Variants in NCK2 observed in about 807,000 individuals in gnomAD.
NCK2 encodes NCK adaptor protein 2, also known as cytoplasmic protein NCK2.
NCK2 carries 16 observed loss-of-function variants against 33.9 expected under a neutral mutation model. That is an observed-to-expected ratio of 0.47 (90% confidence interval 0.32 to 0.72). NCK2 has a LOEUF of 0.72. Among genes scored for constraint, NCK2 ranks in the 30% least tolerant of loss-of-function variants. NCK2 has a pLI of 0.03. For missense variants in NCK2, 418 were observed against 537.3 expected, an observed-to-expected ratio of 0.78 and a Z score of 2.19; for synonymous variants, 273 against 239.9, an observed-to-expected ratio of 1.14 and a Z score of -1.27.
At chr2:105,766,561 G>GATC (rs1433927718) in intron 1 of NCK2, among the ~76,000 whole-genome samples, 14 of 152,204 alleles carry the variant, frequency 9.2e-5, no homozygotes, top group African/African-American at 3.1e-4. Context: ...GGCCTTAAGG[G>GATC]ATCCTCCCAC....
chr2:105,869,967 A>G (rs914132750), intron 3 of NCK2, among the ~76,000 whole-genome samples: 3 of 152,158 alleles, frequency 2.0e-5, no homozygotes, highest in Non-Finnish European at 4.4e-5. Context: ...CTGCTCACAA[A>G]GGAATGGGCT....
At chr2:105,767,146 A>ACC (rs1254540844) in intron 1 of NCK2, among the ~76,000 whole-genome samples, 2 of 151,738 alleles carry the variant, frequency 1.3e-5, no homozygotes, top group African/African-American at 4.8e-5. Context: ...GGAAGCCTGG[A>ACC]CCCCCGTCTG....
intron 2 of NCK2, among the ~76,000 whole-genome samples, chr2:105,819,818 G>A (rs1314087228): frequency 6.6e-6 from 1 of 152,140 alleles, no homozygotes; most frequent in African/African-American, 2.4e-5. Context: ...ATGTTCATTT[G>A]GAAAATCGTG....
intron 1 of NCK2, among the ~76,000 whole-genome samples, chr2:105,815,864 C>A (rs1675460396): frequency 6.6e-6 from 1 of 152,160 alleles, no homozygotes; most frequent in African/African-American, 2.4e-5. Flanking sequence ...TGGGCAGACT[C>A]CCTTTTATTT....
At chr2:105,851,054 A>C (rs1279446325) in intron 2 of NCK2, among the ~76,000 whole-genome samples, 1 of 152,198 alleles carries the variant, frequency 6.6e-6, no homozygotes, top group Non-Finnish European at 1.5e-5. Context: ...AAAAGACCGA[A>C]GCCTGTGAGG....
chr2:105,826,490 A>G (rs1386547557), intron 2 of NCK2, among the ~76,000 whole-genome samples: 6 of 152,186 alleles, frequency 3.9e-5, no homozygotes, highest in Non-Finnish European at 8.8e-5. Context: ...GATTGTGACT[A>G]TCTCAGGAAT....
rs1056085652 is a variant in NCK2, at chr2:105,893,525, C to T, written c.*349C>T. 5 of 255,172 alleles carry T rather than the reference C, an allele frequency of 2.0e-5. No homozygotes were observed. Among genetic ancestry groups the T allele is most frequent in the African/African-American group, 6.5e-5 (3 of 46,222 alleles). The allele number at this position is 255,172 out of a possible 1,614,324, so 15.8% of individuals were successfully genotyped here. ...GCGCAGGAGCGAGCCTAAGGCCACC[C>T]AGCGGCAGCGCCCGTGTCCTGGGCA... On this transcript the variant is annotated 3_prime_UTR_variant, in exon 5 of 5. Coordinates refer to ENST00000233154, the MANE Select transcript of NCK2 (RefSeq NM_003581.5).
At chr2:105,805,086 G>T (rs1674980372) in intron 1 of NCK2, among the ~76,000 whole-genome samples, 1 of 152,226 alleles carries the variant, frequency 6.6e-6, no homozygotes, top group South Asian at 2.1e-4. Context: ...CTTCCCAGAG[G>T]CTCTTCCTAT....
At chr2:105,791,189 G>A (rs1366084454) in intron 1 of NCK2, among the ~76,000 whole-genome samples, 2 of 152,208 alleles carry the variant, frequency 1.3e-5, no homozygotes, top group African/African-American at 4.8e-5. Context: ...GACAGCGGAA[G>A]ATCTCTAATC....
chr2:105,809,920 G>C (rs1022420534), intron 1 of NCK2, among the ~76,000 whole-genome samples: 1 of 152,158 alleles, frequency 6.6e-6, no homozygotes, highest in Admixed American at 6.5e-5. Context: ...CCAACACTGA[G>C]GGGGAGAGGG....
At chr2:105,817,108 G>A (rs748291823) in intron 2 of NCK2, among the ~76,000 whole-genome samples, 2 of 150,148 alleles carry the variant, frequency 1.3e-5, no homozygotes, top group Non-Finnish European at 2.9e-5. Flanking sequence ...CCTGGGAGGC[G>A]GAGGTTGCAG....
intron 1 of NCK2, among the ~76,000 whole-genome samples, chr2:105,776,666 C>T (rs963914973): frequency 5.3e-5 from 8 of 152,320 alleles, no homozygotes; most frequent in Admixed American, 1.3e-4. Flanking sequence ...AGCCACCTTC[C>T]TCCTCCAGCC....
chr2:105,759,280 G>A (rs1310886858), intron 1 of NCK2, among the ~76,000 whole-genome samples: 3 of 152,170 alleles, frequency 2.0e-5, no homozygotes, highest in Non-Finnish European at 2.9e-5. Flanking sequence ...AGTACACATA[G>A]TACGTTCTCT....
chr2:105,852,526 A>G (rs936493212), intron 2 of NCK2, among the ~76,000 whole-genome samples: 1 of 152,142 alleles, frequency 6.6e-6, no homozygotes, highest in African/African-American at 2.4e-5. Flanking sequence ...GTGCGTGAAA[A>G]TAGATCCTGC....
intron 3 of NCK2, among the ~76,000 whole-genome samples, chr2:105,860,697 C>T (rs1050107758): frequency 1.5e-4 from 23 of 151,772 alleles, no homozygotes; most frequent in African/African-American, 2.4e-4. Context: ...GATGAAGAAA[C>T]GTGGAAAGCT....
intron 3 of NCK2, among the ~76,000 whole-genome samples, chr2:105,856,366 T>C (rs1326029006): frequency 6.6e-6 from 1 of 152,214 alleles, no homozygotes; most frequent in Non-Finnish European, 1.5e-5. Flanking sequence ...ATGTTGTCTG[T>C]ATCCAAGACT....
At position 105,893,198 on chromosome 2, in the gene NCK2, G is replaced by A. The variant is rs749441352; in HGVS notation, c.*22G>A. Reference sequence around the variant, plus strand: ...GTGACGGCGCCCCGGCCCCACACTCGCCTCCCGGGCCCCACGGTGGAGCTG... The same window carrying A: ...GTGACGGCGCCCCGGCCCCACACTCACCTCCCGGGCCCCACGGTGGAGCTG... On this transcript the variant is annotated 3_prime_UTR_variant, in exon 5 of 5. Coordinates refer to ENST00000233154, the MANE Select transcript of NCK2 (RefSeq NM_003581.5). 53 of 1,553,244 alleles carry A rather than the reference G, an allele frequency of 3.4e-5. No individual in the cohort carries two copies. The highest frequency in any genetic ancestry group is 4.4e-5 in the Non-Finnish European group (51 of 1,148,162).
chr2:105,886,017 C>G (rs1001889502), intron 4 of NCK2, among the ~76,000 whole-genome samples: 1 of 152,178 alleles, frequency 6.6e-6, no homozygotes, highest in African/African-American at 2.4e-5. Context: ...AATGTGAAAG[C>G]TGCTTCCAGG....
At chr2:105,838,380 A>T (rs1044169985) in intron 2 of NCK2, among the ~76,000 whole-genome samples, 1 of 151,914 alleles carries the variant, frequency 6.6e-6, no homozygotes, top group Non-Finnish European at 1.5e-5. Context: ...AGCTTTCCTA[A>T]ACTTTATCTT....
Sources: gnomAD v4.1 joint callset for allele counts (sites outside exome capture counted in the v4.1 genomes callset) on GRCh38, gnomAD v4.1.1 for gene constraint, MANE v1.5 for transcripts, NCBI Gene and HGNC (gene_info 2026-07-23, HGNC 2026-07-21) for gene names.